NOVA1: variants seen among roughly 807,000 people sequenced by gnomAD.
NOVA1 encodes the protein NOVA alternative splicing regulator 1, also known as RNA-binding protein Nova-1.
Under a neutral mutation model 38.0 loss-of-function variants are expected in NOVA1, and 7 were observed. The observed-to-expected ratio is 0.18, with a 90% CI of 0.10 to 0.35. The LOEUF (loss-of-function observed/expected upper bound fraction) is 0.35. Ranked by LOEUF, NOVA1 falls within the 10% of genes least tolerant of loss-of-function variation. NOVA1 has a pLI of 1.00. For synonymous variants in NOVA1, 270 were observed against 232.5 expected (o/e 1.16, Z -1.47); for missense variants, 460 against 616.0 (o/e 0.75, Z 2.68).
At chr14:26,456,319 C>T (rs918786792) in intron 4 of NOVA1, among the ~76,000 whole-genome samples, 3 of 151,832 alleles carry the variant, frequency 2.0e-5, no homozygotes, top group African/African-American at 7.3e-5. Context: ...GCTTAAAATG[C>T]CTATCAGTCA....
At chr14:26,451,427 G>A (rs1373483614) in intron 4 of NOVA1, among the ~76,000 whole-genome samples, 1 of 152,022 alleles carries the variant, frequency 6.6e-6, no homozygotes, top group East Asian at 1.9e-4. Flanking sequence ...GAGCGCAGTG[G>A]TGCAATCTCG....
At position 26,544,191 on chromosome 14, in the gene NOVA1, G is replaced by C. The variant is rs533321955; in HGVS notation, c.280+51219C>G. ...TAAAGGACTATAAAAAAAGAAAAAA[G>C]AAAAACAAGGTAACTCCAAAACAAA... On this transcript the variant is annotated intron_variant, in intron 2 of 4. Transcript: ENST00000539517. 2.6e-5 allele frequency among the ~76,000 whole-genome samples: 4 copies of C among 151,856 alleles called. No homozygotes were observed. In the East Asian group the frequency reaches 7.7e-4, roughly 29 times the overall value.
chr14:26,447,776 C>A lies in NOVA1; in HGVS notation c.*183G>T, dbSNP rs1882198271. 4 of 607,020 alleles carry A rather than the reference C, an allele frequency of 6.6e-6. No homozygotes were observed. Among genetic ancestry groups the A allele is most frequent in the Middle Eastern group, 4.4e-4 (1 of 2,272 alleles). The allele number at this position is 607,020 out of a possible 1,614,324, so 37.6% of individuals were successfully genotyped here. ...GAACAAAACAGATCAAGAAAAAATT[C>A]TTTCTATGAAACATCTGGTAAAACA... On this transcript the variant is annotated 3_prime_UTR_variant, in exon 5 of 5. Coordinates refer to ENST00000539517, the MANE Select transcript of NOVA1 (RefSeq NM_002515.3).
Position 26,574,284 on chromosome 14 carries a change from CCCT to C in NOVA1, c.280+21123_280+21125del, listed in dbSNP as rs1321182592. On this transcript the variant is annotated intron_variant, in intron 2 of 4. Coordinates refer to ENST00000539517, the MANE Select transcript of NOVA1 (RefSeq NM_002515.3). Reference sequence around the variant, plus strand: ...CGTGATCCACCCCCCCCCCCCCGCCCCCTCGGCCTCCCAAAGTGCTGGGATTAC... The same window carrying C: ...CGTGATCCACCCCCCCCCCCCCGCCCCGGCCTCCCAAAGTGCTGGGATTAC... Among the ~76,000 whole-genome samples the C allele has an allele frequency of 9.3e-5, 11 of 118,388 alleles. No individual in the cohort carries two copies. In the East Asian group the frequency reaches 1.2e-3, roughly 13 times the overall value. 77.7% of individuals were successfully genotyped at this position (118,388 alleles called of 152,430 possible).
chr14:26,472,219 T>A lies in NOVA1; in HGVS notation c.519+101A>T, dbSNP rs187445263. 13 of 736,444 alleles carry A rather than the reference T, an allele frequency of 1.8e-5. No individual in the cohort carries two copies. The African/African-American group carries it at 2.2e-4, about 13-fold the overall frequency. The allele number at this position is 736,444 out of a possible 1,614,324, so 45.6% of individuals were successfully genotyped here. ...GGAATCTGACTATGGTGCATATATG[T>A]GAATGAACGAATAAATCCTTAACCC... On this transcript the variant is annotated intron_variant, in intron 4 of 4. Coordinates refer to ENST00000539517, the MANE Select transcript of NOVA1 (RefSeq NM_002515.3).
chr14:26,559,916 C>A (rs1297791534), intron 2 of NOVA1, among the ~76,000 whole-genome samples: 1 of 151,708 alleles, frequency 6.6e-6, no homozygotes, highest in Non-Finnish European at 1.5e-5. Context: ...GGTGAATATC[C>A]TAATTACACT....
intron 2 of NOVA1, 58 bp downstream of exon 2, chr14:26,595,352 G>T: frequency 1.3e-6 from 2 of 1,536,482 alleles, no homozygotes; most frequent in Non-Finnish European, 1.8e-6. Flanking sequence ...CACAACACAA[G>T]TAGATCTTTC....
chr14:26,538,829 T>G (rs1481162727), intron 2 of NOVA1, among the ~76,000 whole-genome samples: 1 of 152,144 alleles, frequency 6.6e-6, no homozygotes, highest in Admixed American at 6.6e-5. Context: ...TGATCTGGCC[T>G]GTACATTATC....
intron 3 of NOVA1, among the ~76,000 whole-genome samples, chr14:26,475,636 G>T (rs1338335487): frequency 1.3e-5 from 2 of 152,116 alleles, no homozygotes; most frequent in Non-Finnish European, 2.9e-5. Flanking sequence ...TACTTGAATG[G>T]CTGTTTAATA....
rs903467660 is a variant in NOVA1, at chr14:26,586,775, T to C, written c.280+8635A>G. 4.0e-5 allele frequency among the ~76,000 whole-genome samples: 6 copies of C among 151,112 alleles called. No individual in the cohort carries two copies. The East Asian group carries it at 1.2e-3, about 29-fold the overall frequency. The stretch of plus-strand genomic sequence containing the variant: ...TGACCAGGCTACATGCTCCAGGCAA[T>C]ATAACCTATGATATCCTTTTCTAAA... On this transcript the variant is annotated intron_variant, in intron 2 of 4. Coordinates refer to ENST00000539517, the MANE Select transcript of NOVA1 (RefSeq NM_002515.3).
chr14:26,574,892 T>C (rs1566550780), intron 2 of NOVA1, among the ~76,000 whole-genome samples: 1 of 151,992 alleles, frequency 6.6e-6, no homozygotes, highest in Non-Finnish European at 1.5e-5. Context: ...AAACTCCTGG[T>C]CTCCCACAAT....
At chr14:26,585,844 C>T (rs1339572593) in intron 2 of NOVA1, among the ~76,000 whole-genome samples, 1 of 151,228 alleles carries the variant, frequency 6.6e-6, no homozygotes, top group East Asian at 1.9e-4. Context: ...AATACCTACC[C>T]TAACACTTCT....
intron 4 of NOVA1, among the ~76,000 whole-genome samples, chr14:26,461,994 A>T (rs950324836): frequency 1.3e-5 from 2 of 152,022 alleles, no homozygotes; most frequent in African/African-American, 4.8e-5. Context: ...CTGCATATAA[A>T]AATCTCTAAG....
At chr14:26,546,687 G>C (rs1229358297) in intron 2 of NOVA1, among the ~76,000 whole-genome samples, 2 of 152,038 alleles carry the variant, frequency 1.3e-5, no homozygotes, top group Non-Finnish European at 2.9e-5. Flanking sequence ...TATCACAAGA[G>C]GTCTAAGTAT....
chr14:26,560,006 A>C (rs1566537933), intron 2 of NOVA1, among the ~76,000 whole-genome samples: 1 of 152,012 alleles, frequency 6.6e-6, no homozygotes. Context: ...TATTGTAATA[A>C]ATTATTGTAA....
At chr14:26,514,251 A>G (rs1220426104) in intron 2 of NOVA1, among the ~76,000 whole-genome samples, 2 of 151,722 alleles carry the variant, frequency 1.3e-5, no homozygotes, top group South Asian at 2.1e-4. Flanking sequence ...TTATCTTGTC[A>G]TTTTTAAAAA....
At chr14:26,506,862 G>A (rs1469362990) in intron 2 of NOVA1, among the ~76,000 whole-genome samples, 2 of 152,148 alleles carry the variant, frequency 1.3e-5, no homozygotes, top group African/African-American at 4.8e-5. Flanking sequence ...TTACAGGCAT[G>A]AGCCACCGCG....
At chr14:26,469,903 T>A (rs1056121372) in intron 4 of NOVA1, among the ~76,000 whole-genome samples, 1 of 152,184 alleles carries the variant, frequency 6.6e-6, no homozygotes, top group Non-Finnish European at 1.5e-5. Context: ...GCCATCATTT[T>A]ATAAGGCTTC....
chr14:26,592,400 GAA>G (rs911586761), intron 2 of NOVA1, among the ~76,000 whole-genome samples: 1 of 138,380 alleles, frequency 7.2e-6, no homozygotes, highest in Admixed American at 7.2e-5. Flanking sequence ...AATCATGTAA[GAA>G]AAAAAAAAAG....
Sources: gnomAD v4.1 joint callset for allele counts (sites outside exome capture counted in the v4.1 genomes callset) on GRCh38, gnomAD v4.1.1 for gene constraint, MANE v1.5 for transcripts, NCBI Gene and HGNC (gene_info 2026-07-23, HGNC 2026-07-21) for gene names.